Variants in MYO1E observed in about 807,000 individuals in gnomAD.
The protein encoded by MYO1E is unconventional myosin-Ie.
Under a neutral mutation model 151.1 loss-of-function variants are expected in MYO1E, and 68 were observed. That is an observed-to-expected ratio of 0.45 (90% CI 0.37 to 0.55). The LOEUF (loss-of-function observed/expected upper bound fraction) is 0.55. Ranked by LOEUF, MYO1E falls within the 20% of genes least tolerant of loss-of-function variation. The pLI, the probability that MYO1E is intolerant of heterozygous loss-of-function variation, is 0.00. For missense variants in MYO1E, 1,363 were observed against 1,389.3 expected (o/e 0.98, Z 0.30); for synonymous variants, 601 against 501.7 (o/e 1.20, Z -2.64).
intron 16 of MYO1E, among the ~76,000 whole-genome samples, chr15:59,199,888 T>G (rs2079790523): frequency 6.6e-6 from 1 of 152,164 alleles, no homozygotes; most frequent in African/African-American, 2.4e-5. Flanking sequence ...TAAGAGGTAC[T>G]GGGAGAGACT....
At chr15:59,177,143 T>C (rs1272089477) in intron 19 of MYO1E, among the ~76,000 whole-genome samples, 1 of 152,232 alleles carries the variant, frequency 6.6e-6, no homozygotes, top group Non-Finnish European at 1.5e-5. Context: ...GGAACTGTTC[T>C]GTGGGTTGCT....
intron 2 of MYO1E, among the ~76,000 whole-genome samples, chr15:59,270,542 T>TAAAAAAA (rs777284445): frequency 9.5e-6 from 1 of 104,844 alleles, no homozygotes; most frequent in Non-Finnish European, 2.0e-5. Context: ...GACCCTGTCT[T>TAAAAAAA]AAAAAAAAAA....
At chr15:59,258,581 G>A (rs1018337966) in intron 3 of MYO1E, among the ~76,000 whole-genome samples, 1 of 152,204 alleles carries the variant, frequency 6.6e-6, no homozygotes, top group African/African-American at 2.4e-5. Context: ...CGCTGGGTGT[G>A]ATGGCTAATG....
intron 1 of MYO1E, among the ~76,000 whole-genome samples, chr15:59,274,109 A>G (rs12900500): frequency 0.15 from 22,732 of 152,094 alleles, 2,188 homozygotes; most frequent in East Asian, 0.46. Context: ...AAGTTCTAAG[A>G]AGCTCTGGGA....
intron 1 of MYO1E, among the ~76,000 whole-genome samples, chr15:59,276,115 G>A (rs961281551): frequency 6.6e-5 from 10 of 152,232 alleles, no homozygotes; most frequent in East Asian, 1.9e-4. Context: ...CTTCGCACCC[G>A]TTTTGCCCCT....
intron 18 of MYO1E, 70 bp downstream of exon 18, chr15:59,188,048 G>T: frequency 1.7e-6 from 2 of 1,176,914 alleles, no homozygotes; most frequent in South Asian, 1.2e-5. Flanking sequence ...TGAAGTGGGT[G>T]AATTGTATAG....
chr15:59,233,997 T>C (rs1258576177), intron 5 of MYO1E, among the ~76,000 whole-genome samples: 1 of 152,226 alleles, frequency 6.6e-6, no homozygotes, highest in African/African-American at 2.4e-5. Flanking sequence ...CCTTTTTCTC[T>C]TTTTACTTCT....
chr15:59,304,836 T>A (rs754192901), intron 1 of MYO1E, among the ~76,000 whole-genome samples: 11 of 152,224 alleles, frequency 7.2e-5, no homozygotes, highest in Non-Finnish European at 1.2e-4. Context: ...TCCTAGAAAA[T>A]GGAACTTGTC....
chr15:59,161,301 C>G, intron 23 of MYO1E, 71 bp from the exon 24 acceptor site: 1 of 1,516,706 alleles, frequency 6.6e-7, no homozygotes, highest in Non-Finnish European at 9.0e-7. Context: ...GATCCCGCCA[C>G]GGAGTTCTGC....
rs950520748 is a variant in MYO1E at position 59,240,250 on chromosome 15, G to A, written c.333-3578C>T. Among the ~76,000 whole-genome samples, 3 of 152,346 alleles carry A rather than the reference G, an allele frequency of 2.0e-5. No individual in the cohort carries two copies. In the South Asian group the frequency reaches 6.2e-4, roughly 32 times the overall value. On this transcript the variant is annotated intron_variant, in intron 4 of 27. Transcript: ENST00000288235. ...TCTCCAGGGACAGAGTCTAGGAATA[G>A]GAATTTCTAACAAACTCCCTAGTTC...
intron 1 of MYO1E, among the ~76,000 whole-genome samples, chr15:59,277,786 A>C (rs1209782264): frequency 2.0e-5 from 3 of 152,206 alleles, no homozygotes; most frequent in African/African-American, 4.8e-5. Context: ...CCTGATATGG[A>C]AAGAGCTTGA....
chr15:59,372,801 C>G lies in MYO1E; in HGVS notation c.-301G>C, dbSNP rs1182326333. ...CCAGGTGAGTCCGATGCGCTCGGAG[C>G]GTCCGCCTCGCTCCCCTGCCTCACT... On this transcript the variant is annotated 5_prime_UTR_variant, in exon 1 of 28. Coordinates refer to ENST00000288235, the MANE Select transcript of MYO1E (RefSeq NM_004998.4). The G allele has an allele frequency of 1.0e-5, 5 of 490,448 alleles. No individual in the cohort carries two copies. Among genetic ancestry groups the G allele is most frequent in the Non-Finnish European group, 1.8e-5 (5 of 277,770 alleles). 30.4% of individuals were successfully genotyped at this position (490,448 alleles called of 1,614,324 possible).
chr15:59,330,990 G>C (rs1390824167), intron 1 of MYO1E, among the ~76,000 whole-genome samples: 1 of 152,052 alleles, frequency 6.6e-6, no homozygotes, highest in Non-Finnish European at 1.5e-5. Flanking sequence ...TGCTGCTCTC[G>C]AACTCCTGGG....
At chr15:59,142,908 G>A (rs2079419040) in intron 26 of MYO1E, among the ~76,000 whole-genome samples, 1 of 133,172 alleles carries the variant, frequency 7.5e-6, no homozygotes, top group Non-Finnish European at 1.5e-5. Context: ...CTCTAGCCAG[G>A]GTAATTAGGT....
At chr15:59,240,144 A>C (rs1292370747) in intron 4 of MYO1E, among the ~76,000 whole-genome samples, 5 of 152,238 alleles carry the variant, frequency 3.3e-5, no homozygotes, top group African/African-American at 9.6e-5. Context: ...GTGGTTCCCA[A>C]ATCTGGCAGT....
intron 22 of MYO1E, among the ~76,000 whole-genome samples, chr15:59,163,892 A>T (rs142307335): frequency 8.3e-4 from 127 of 152,362 alleles, no homozygotes; most frequent in African/African-American, 2.9e-3. Context: ...AAGTTCAGAA[A>T]TGCGAAGGCC....
chr15:59,307,236 A>C (rs1209527098), intron 1 of MYO1E, among the ~76,000 whole-genome samples: 1 of 152,202 alleles, frequency 6.6e-6, no homozygotes, highest in Non-Finnish European at 1.5e-5. Context: ...TGGCCTGGGC[A>C]TTGGAACTCT....
chr15:59,361,982 G>A (rs1035612115), intron 1 of MYO1E, among the ~76,000 whole-genome samples: 2 of 152,022 alleles, frequency 1.3e-5, no homozygotes, highest in South Asian at 2.1e-4. Context: ...GATTACGGGC[G>A]TCTACCACCA....
At chr15:59,301,019 C>A (rs1303546572) in intron 1 of MYO1E, among the ~76,000 whole-genome samples, 3 of 151,988 alleles carry the variant, frequency 2.0e-5, no homozygotes, top group African/African-American at 4.8e-5. Flanking sequence ...AGGCACATGC[C>A]ACCATACCTG....
Sources: allele counts gnomAD v4.1 joint callset (sites outside exome capture counted in the v4.1 genomes callset), GRCh38; gene constraint gnomAD v4.1.1; transcripts MANE v1.5; gene names NCBI Gene and HGNC (gene_info 2026-07-23, HGNC 2026-07-21).